TMIGD1: variants seen among roughly 807,000 people sequenced by gnomAD.
TMIGD1 encodes transmembrane and immunoglobulin domain containing 1.
In TMIGD1, 29 loss-of-function variants were observed where a neutral mutation model predicts 27.5. The observed-to-expected ratio is 1.05, with a 90% CI of 0.78 to 1.44. The LOEUF is 1.44. Ranked by LOEUF, TMIGD1 falls within the 40% of genes most tolerant of loss-of-function variation. The pLI is 0.00. For missense variants in TMIGD1, 334 were observed against 310.6 expected (o/e 1.08, Z -0.57); for synonymous variants, 109 against 110.3 (o/e 0.99, Z 0.07).
intron 5 of TMIGD1, among the ~76,000 whole-genome samples, chr17:30,317,881 G>A (rs1314026194): frequency 3.3e-5 from 5 of 151,952 alleles, no homozygotes; most frequent in Non-Finnish European, 4.4e-5. Context: ...ACCAGCCTGG[G>A]CAACATGGCA....
intron 2 of TMIGD1, among the ~76,000 whole-genome samples, chr17:30,331,490 T>G (rs1909975736): frequency 6.6e-6 from 1 of 152,082 alleles, no homozygotes; most frequent in Non-Finnish European, 1.5e-5. Flanking sequence ...TGCATTAAAA[T>G]GTAGGAGGAT....
At position 30,316,543 on chromosome 17, in the gene TMIGD1, G is replaced by T; in HGVS notation, c.*144C>A. The T allele has an allele frequency of 2.7e-6, 2 of 754,100 alleles. No individual in the cohort carries two copies. The highest frequency in any genetic ancestry group is 4.3e-6 in the Non-Finnish European group (2 of 462,272). 46.7% of individuals were successfully genotyped at this position (754,100 alleles called of 1,614,324 possible). The stretch of plus-strand genomic sequence containing the variant: ...AATGTTCCACAAGTGTATCAAATTA[G>T]TCCTAACAACTACTGTTAAGTGATT... On this transcript the variant is annotated 3_prime_UTR_variant, in exon 7 of 7. Coordinates refer to ENST00000328886, the MANE Select transcript of TMIGD1 (RefSeq NM_206832.3).
At chr17:30,321,856 TCTCA>T (rs1257608470) in intron 4 of TMIGD1, among the ~76,000 whole-genome samples, 2 of 152,140 alleles carry the variant, frequency 1.3e-5, no homozygotes, top group African/African-American at 4.8e-5. Context: ...GGAGACAGGG[TCTCA>T]CTCTGTCACT....
chr17:30,322,666 A>AT (rs904011328), intron 4 of TMIGD1, among the ~76,000 whole-genome samples: 3 of 151,724 alleles, frequency 2.0e-5, no homozygotes, highest in East Asian at 1.9e-4. Context: ...TGCCCGGCTA[A>AT]TTTTTTTTGT....
At chr17:30,327,885 A>G (rs533845659) in intron 3 of TMIGD1, among the ~76,000 whole-genome samples, 1 of 152,194 alleles carries the variant, frequency 6.6e-6, no homozygotes, top group South Asian at 2.1e-4. Flanking sequence ...TTTTCACCCA[A>G]CAACCCATGT....
chr17:30,317,855 A>T (rs1390194588), intron 5 of TMIGD1, among the ~76,000 whole-genome samples: 2 of 152,024 alleles, frequency 1.3e-5, no homozygotes, highest in Non-Finnish European at 2.9e-5. Context: ...AGATCACTTG[A>T]GCTCAGGAGT....
rs1567852622 is a variant in TMIGD1, at chr17:30,332,310, TCTGA to T, written c.-25-156_-25-153del. Among the ~76,000 whole-genome samples, 4 of 152,212 alleles carry T rather than the reference TCTGA, an allele frequency of 2.6e-5. No homozygotes were observed. In the South Asian group the frequency reaches 6.2e-4, roughly 24 times the overall value. ...TCTAGCTTTTAATTAAACAACCCTGTCTGACTAAGTTCAAAGTACATTTAGTAGT... is the reference window on the plus strand; with the variant it reads ...TCTAGCTTTTAATTAAACAACCCTGTCTAAGTTCAAAGTACATTTAGTAGT... On this transcript the variant is annotated intron_variant, in intron 1 of 6. Transcript: ENST00000328886.
Position 30,324,844 on chromosome 17 carries a change from C to T in TMIGD1, c.612G>A (p.Glu204=). 1 of 1,614,094 alleles carries T rather than the reference C, an allele frequency of 6.2e-7. No individual in the cohort carries two copies. Among genetic ancestry groups the T allele is most frequent in the Non-Finnish European group, 8.5e-7 (1 of 1,179,964 alleles). ...TAACAATCAGGTGAAAGTCCAAGCT[C>T]TCCGTTTTCAGAGATGACTTTGCAA... ...SCIAKSSLKT[E]SLDFHLIVKD... Residue 204 remains glutamate, a synonymous_variant, in exon 4 of 7, where the codon GAG becomes GAA. Coordinates refer to ENST00000328886, the MANE Select transcript of TMIGD1 (RefSeq NM_206832.3).
intron 4 of TMIGD1, among the ~76,000 whole-genome samples, chr17:30,322,358 T>C (rs1909646403): frequency 6.6e-6 from 1 of 152,068 alleles, no homozygotes; most frequent in African/African-American, 2.4e-5. Context: ...AGCCCCTCTA[T>C]TTGCAAGATA....
intron 4 of TMIGD1, 122 bp from the exon 5 acceptor site, chr17:30,319,035 A>T: frequency 1.4e-6 from 1 of 706,388 alleles, no homozygotes; most frequent in East Asian, 2.7e-5. Flanking sequence ...CAACAATCTC[A>T]AAAAGTAGGT....
chr17:30,318,034 C>G (rs1490299312), intron 5 of TMIGD1, among the ~76,000 whole-genome samples: 1 of 151,662 alleles, frequency 6.6e-6, no homozygotes, highest in African/African-American at 2.4e-5. Context: ...AGGCACTGCA[C>G]TCCAGCCTGG....
At position 30,316,467 on chromosome 17, in the gene TMIGD1, A is replaced by G. The variant is rs527466391; in HGVS notation, c.*220T>C. The G allele has an allele frequency of 9.8e-5, 51 of 521,896 alleles. No individual in the cohort carries two copies. The South Asian group carries it at 1.2e-3, about 12-fold the overall frequency. 32.3% of individuals were successfully genotyped at this position (521,896 alleles called of 1,614,324 possible). A position where few individuals can be genotyped will look rare whatever the true frequency, so the allele number is the denominator to read the frequency against. On this transcript the variant is annotated 3_prime_UTR_variant, in exon 7 of 7. Transcript: ENST00000328886. ...CAATTAATTAACATATACTTCAAGG[A>G]GAAGACTTAACAAAATCTTACTTTT...
At chr17:30,317,052 G>T in intron 6 of TMIGD1, 141 bp downstream of exon 6, 1 of 1,012,538 alleles carries the variant, frequency 9.9e-7, no homozygotes, top group Non-Finnish European at 1.5e-6. Context: ...AGTGGAGGCA[G>T]ATTTTCCTCC....
chr17:30,328,695 C>T (rs1487119441), intron 3 of TMIGD1, among the ~76,000 whole-genome samples: 1 of 152,084 alleles, frequency 6.6e-6, no homozygotes, highest in Non-Finnish European at 1.5e-5. Context: ...GTGGCTCACA[C>T]CTGTAATCCC....
At chr17:30,317,620 C>G (rs1037193772) in intron 5 of TMIGD1, among the ~76,000 whole-genome samples, 5 of 151,786 alleles carry the variant, frequency 3.3e-5, no homozygotes, top group African/African-American at 1.2e-4. Context: ...AACAGCCAGG[C>G]ATGGTGCCAC....
intron 4 of TMIGD1, among the ~76,000 whole-genome samples, chr17:30,321,913 C>T (rs1182887677): frequency 6.6e-6 from 1 of 152,100 alleles, no homozygotes; most frequent in Non-Finnish European, 1.5e-5. Flanking sequence ...ACTGCAGCGT[C>T]GACCTCTAGG....
chr17:30,319,003 C>T, intron 4 of TMIGD1, 90 bp from the exon 5 acceptor site: 1 of 884,484 alleles, frequency 1.1e-6, no homozygotes, highest in Non-Finnish European at 1.9e-6. Context: ...TTATGTGTGT[C>T]ATCCCCTTAA....
intron 6 of TMIGD1, 167 bp from the exon 7 acceptor site, chr17:30,316,857 G>T: frequency 1.5e-6 from 1 of 684,822 alleles, no homozygotes; most frequent in Non-Finnish European, 2.5e-6. Flanking sequence ...GCAGTATGGG[G>T]ATGAATGTGG....
intron 3 of TMIGD1, among the ~76,000 whole-genome samples, chr17:30,325,669 G>A (rs1040108229): frequency 2.6e-5 from 4 of 152,070 alleles, no homozygotes; most frequent in Admixed American, 6.5e-5. Flanking sequence ...TTATTATTAC[G>A]GTGGTGGTGG....
Sources: gnomAD v4.1 joint callset for allele counts (sites outside exome capture counted in the v4.1 genomes callset) on GRCh38, gnomAD v4.1.1 for gene constraint, MANE v1.5 for transcripts, NCBI Gene and HGNC (gene_info 2026-07-23, HGNC 2026-07-21) for gene names.